The following NRG1 variants were observed in gnomAD, a reference collection of about 807,000 sequenced individuals.
NRG1 encodes neuregulin 1.
A neutral mutation model predicts 63.8 loss-of-function variants in NRG1; 18 were observed. The ratio of observed to expected loss-of-function variants is 0.28; its 90% CI spans 0.19 to 0.42. NRG1 has a LOEUF of 0.42. NRG1 is among the 10% of genes least tolerant of loss of function. The pLI, the probability that NRG1 is intolerant of heterozygous loss-of-function variation, is 1.00. For synonymous variants in NRG1, 302 were observed against 301.3 expected, an observed-to-expected ratio of 1.00 and a Z score of -0.02; for missense variants, 762 against 814.7, an observed-to-expected ratio of 0.94 and a Z score of 0.79.
chr8:31,645,314 C>T (rs1804187514), intron 1 of NRG1, among the ~76,000 whole-genome samples: 1 of 152,140 alleles, frequency 6.6e-6, no homozygotes, highest in African/African-American at 2.4e-5. Flanking sequence ...TGTGGATTTA[C>T]AGAATATACA....
At chr8:32,485,738 G>A (rs1333776855) in intron 1 of NRG1, among the ~76,000 whole-genome samples, 1 of 152,176 alleles carries the variant, frequency 6.6e-6, no homozygotes, top group Non-Finnish European at 1.5e-5. Context: ...GAGAGAAGTT[G>A]CTGCTTCTGT....
intron 1 of NRG1, among the ~76,000 whole-genome samples, chr8:31,789,938 T>C (rs1489822911): frequency 2.2e-4 from 34 of 152,222 alleles, no homozygotes; most frequent in Admixed American, 6.5e-5. Context: ...TTTTATGGCA[T>C]ACTATGATCT....
chr8:31,974,100 G>T (rs1186478681), intron 1 of NRG1, among the ~76,000 whole-genome samples: 1 of 152,118 alleles, frequency 6.6e-6, no homozygotes, highest in East Asian at 1.9e-4. Context: ...GCTGAAACTT[G>T]TCACGTTATA....
At chr8:32,512,187 A>C (rs1435193831) in intron 1 of NRG1, among the ~76,000 whole-genome samples, 1 of 152,162 alleles carries the variant, frequency 6.6e-6, no homozygotes, top group Non-Finnish European at 1.5e-5. Flanking sequence ...TTTTCACAGA[A>C]AGACATTTCT....
chr8:32,245,789 A>T (rs1472457001), intron 1 of NRG1, among the ~76,000 whole-genome samples: 1 of 152,184 alleles, frequency 6.6e-6, no homozygotes, highest in East Asian at 1.9e-4. Flanking sequence ...GAAAGTTTTC[A>T]TAAGGAATCT....
In NRG1 at chr8:32,067,939, G is replaced by T. The variant is rs150425280; in HGVS notation, c.37+428508G>T. On this transcript the variant is annotated intron_variant, in intron 1 of 10. Transcript: ENST00000519301. ...CTGGATGTATTTCTCTGTAAACTTT[G>T]GCTGTTAGCATCCTTTTTCAATGCT... Among the ~76,000 whole-genome samples, 113 of 152,134 alleles carry T rather than the reference G, an allele frequency of 7.4e-4. No homozygotes were observed. The South Asian group carries it at 0.013, about 17-fold the overall frequency.
At chr8:32,555,574 C>T (rs1044073140) in intron 1 of NRG1, among the ~76,000 whole-genome samples, 8 of 152,292 alleles carry the variant, frequency 5.3e-5, no homozygotes, top group African/African-American at 1.9e-4. Context: ...CGGGTTCACG[C>T]CATTCTCCTG....
intron 7 of NRG1, among the ~76,000 whole-genome samples, chr8:32,745,119 CT>C (rs1187509573): frequency 2.0e-5 from 3 of 152,050 alleles, no homozygotes; most frequent in Admixed American, 2.0e-4. Context: ...CAATTTTTAT[CT>C]CTGCAAACCC....
At chr8:32,048,725 G>A (rs773985826) in intron 1 of NRG1, among the ~76,000 whole-genome samples, 11 of 151,810 alleles carry the variant, frequency 7.2e-5, no homozygotes, top group Admixed American at 2.0e-4. Context: ...GATTAGTGAT[G>A]TTGAGCATTT....
intron 1 of NRG1, among the ~76,000 whole-genome samples, chr8:31,744,654 A>G (rs567330608): frequency 6.6e-6 from 1 of 152,056 alleles, no homozygotes; most frequent in South Asian, 2.1e-4. Context: ...TTCCAAGCCC[A>G]TGGGTCTTGA....
intron 1 of NRG1, among the ~76,000 whole-genome samples, chr8:32,453,982 C>A (rs1821298318): frequency 6.6e-6 from 1 of 152,152 alleles, no homozygotes; most frequent in Non-Finnish European, 1.5e-5. Flanking sequence ...TTAGTTTTCT[C>A]TAAGAAGATA....
intron 1 of NRG1, among the ~76,000 whole-genome samples, chr8:31,709,205 ATT>A (rs373969578): frequency 2.8e-5 from 4 of 143,306 alleles, no homozygotes; most frequent in Admixed American, 6.9e-5. Flanking sequence ...TAATCAAGTG[ATT>A]TTTTTTTTTG....
intron 1 of NRG1, among the ~76,000 whole-genome samples, chr8:31,733,940 C>T (rs544697307): frequency 7.9e-5 from 12 of 152,242 alleles, no homozygotes; most frequent in Middle Eastern, 3.4e-3. Context: ...TCACTGGACT[C>T]GGGCTAGGTG....
chr8:32,593,344 A>G (rs1461534008), intron 1 of NRG1, among the ~76,000 whole-genome samples: 1 of 152,154 alleles, frequency 6.6e-6, no homozygotes, highest in Non-Finnish European at 1.5e-5. Flanking sequence ...GTCATGTAGC[A>G]CCGGCAGATT....
intron 1 of NRG1, among the ~76,000 whole-genome samples, chr8:32,032,192 C>A (rs1037733920): frequency 1.9e-4 from 29 of 152,024 alleles, no homozygotes; most frequent in Non-Finnish European, 3.2e-4. Flanking sequence ...TTGCATTTCT[C>A]TAGTGATCAG....
At chr8:31,825,634 C>A (rs1403189360) in intron 1 of NRG1, among the ~76,000 whole-genome samples, 1 of 151,876 alleles carries the variant, frequency 6.6e-6, no homozygotes, top group Non-Finnish European at 1.5e-5. Context: ...AAGAGACAGA[C>A]ATGAAACTGT....
At chr8:32,224,151 A>G (rs1846092972) in intron 1 of NRG1, among the ~76,000 whole-genome samples, 2 of 152,194 alleles carry the variant, frequency 1.3e-5, no homozygotes, top group Non-Finnish European at 2.9e-5. Context: ...TGAGAACTGA[A>G]GGAGGAAGAG....
intron 1 of NRG1, among the ~76,000 whole-genome samples, chr8:32,594,639 G>T (rs754205275): frequency 1.3e-4 from 20 of 152,196 alleles, no homozygotes; most frequent in South Asian, 4.1e-4. Flanking sequence ...CTCGGATATT[G>T]TAACATTTTA....
chr8:32,373,994 T>C (rs1809288355), intron 1 of NRG1, among the ~76,000 whole-genome samples: 1 of 152,222 alleles, frequency 6.6e-6, no homozygotes, highest in South Asian at 2.1e-4. Flanking sequence ...GGTAACATTG[T>C]ATTCCCAGCC....
Sources: allele counts gnomAD v4.1 joint callset (sites outside exome capture counted in the v4.1 genomes callset), GRCh38; gene constraint gnomAD v4.1.1; transcripts MANE v1.5; gene names NCBI Gene and HGNC (gene_info 2026-07-23, HGNC 2026-07-21).